Variants in DMKN observed in about 807,000 individuals in gnomAD.
The protein encoded by DMKN is epidermis-specific secreted protein SK30/SK89.
Under a neutral mutation model 67.6 loss-of-function variants are expected in DMKN, and 58 were observed. That is an observed-to-expected ratio of 0.86 (90% CI 0.69 to 1.07). The LOEUF is 1.07. DMKN is among the 50% of genes least tolerant of loss of function. The probability of loss-of-function intolerance (pLI) is 0.00; values close to 1 mark genes in which losing one functional copy is unlikely to be tolerated. For synonymous variants in DMKN, 240 were observed against 232.3 expected (o/e 1.03, Z -0.30); for missense variants, 596 against 601.5 (o/e 0.99, Z 0.10).
chr19:35,501,798 C>T (rs1267239912), intron 11 of DMKN: 3 of 1,546,690 alleles, frequency 1.9e-6, no homozygotes, highest in South Asian at 1.2e-5. Flanking sequence ...GATCTCCCCG[C>T]ACCTGTGCAC....
At chr19:35,504,578 A>AT (rs2069067988) in intron 9 of DMKN, among the ~76,000 whole-genome samples, 1 of 98,036 alleles carries the variant, frequency 1.0e-5, no homozygotes, top group African/African-American at 5.4e-5. Flanking sequence ...ACTCCGTCTC[A>AT]CCAAAAAAAA....
chr19:35,501,816 T>C (rs1292908377), intron 11 of DMKN: 116 of 1,564,672 alleles, frequency 7.4e-5, no homozygotes, highest in Non-Finnish European at 9.9e-5. Context: ...CACCCTGCGG[T>C]ACCCACCCAG....
chr19:35,510,229 G>A lies in DMKN; in HGVS notation c.942C>T (p.Ser314=), dbSNP rs1211169431. The change falls in exon 6 of 16, where the codon TCC becomes TCT. Residue 314 remains serine, a synonymous_variant. Transcript: ENST00000339686. ...SSWGSSTGSS[S]GNHGGSGGGN... is the part of the protein sequence containing the mutation. ...CTCCGCCGCTCCCACCGTGGTTGCC[G>A]GAGGAGGAGCCGGTGCTGGATCCCT... 10 of 1,607,644 alleles carry A rather than the reference G, an allele frequency of 6.2e-6. No homozygotes were observed. Among genetic ancestry groups the A allele is most frequent in the Non-Finnish European group, 5.9e-6 (7 of 1,177,256 alleles).
chr19:35,502,042 G>A, intron 11 of DMKN, 94 bp downstream of exon 11: 1 of 1,601,636 alleles, frequency 6.2e-7, no homozygotes, highest in Non-Finnish European at 8.5e-7. Context: ...AAGTGGGAAG[G>A]GAGGGGAAGA....
intron 3 of DMKN, 144 bp from the exon 4 acceptor site, chr19:35,511,957 C>A: frequency 1.2e-6 from 1 of 819,304 alleles, no homozygotes; most frequent in Non-Finnish European, 1.9e-6. Flanking sequence ...CCCTTCCCAT[C>A]TGCCTCCTCC....
intron 15 of DMKN, 97 bp from the exon 16 acceptor site, chr19:35,497,635 T>C (rs1288621192): frequency 6.6e-6 from 1 of 152,372 alleles, no homozygotes; most frequent in Admixed American, 6.5e-5. Flanking sequence ...CACCATTCTT[T>C]TGCTGTCCTA....
In DMKN at chr19:35,507,452, G is replaced by A. The variant is rs187397110; in HGVS notation, c.1039-1466C>T. On this transcript the variant is annotated intron_variant, in intron 7 of 15. Coordinates refer to ENST00000339686, the MANE Select transcript of DMKN (RefSeq NM_033317.5). ...TAAAGCCAACCCTGCCTGCCCCTAG[G>A]CTCACCCTATAATTGTCTCCAGAGC... is the stretch of plus-strand genomic sequence containing the variant. The A allele has an allele frequency of 5.8e-5, 90 of 1,551,050 alleles. No homozygotes were observed. In the Admixed American group the frequency reaches 1.4e-3, roughly 24 times the overall value.
In DMKN at chr19:35,505,746, C is replaced by A; in HGVS notation, c.1106G>T (p.Gly369Val). 1 of 1,614,120 alleles carries A rather than the reference C, an allele frequency of 6.2e-7. No homozygotes were observed. Among genetic ancestry groups the A allele is most frequent in the South Asian group, 1.1e-5 (1 of 91,078 alleles). Reference sequence around the variant, plus strand: ...GTTTATGGCATCCCAGTTGATGAAACCCAGCTTGGATTTAAAATTCTATGG... The same window carrying A: ...GTTTATGGCATCCCAGTTGATGAAAACCAGCTTGGATTTAAAATTCTATGG... ...TFWKNFKSKL[G>V]FINWDAINKN... is the part of the protein sequence containing the mutation. Residue 369 changes from glycine (G) to valine (V), a missense_variant, in exon 9 of 16, where the codon GGT becomes GTT. Coordinates refer to ENST00000339686, the MANE Select transcript of DMKN (RefSeq NM_033317.5).
At chr19:35,498,952 C>T (rs887616566) in intron 13 of DMKN, 55 bp from the exon 14 acceptor site, 1 of 1,613,682 alleles carries the variant, frequency 6.2e-7, no homozygotes, top group Admixed American at 1.7e-5. Flanking sequence ...TGTACTCTGC[C>T]ATGGCCTCCA....
chr19:35,511,151 C>G (rs940445661), intron 5 of DMKN, among the ~76,000 whole-genome samples: 22 of 152,270 alleles, frequency 1.4e-4, no homozygotes, highest in Non-Finnish European at 2.6e-4. Flanking sequence ...GGCGGGATAA[C>G]GTCCCCACCA....
chr19:35,505,704 T>C lies in DMKN; in HGVS notation c.1134+14A>G, dbSNP rs1224769113. On this transcript the variant is annotated intron_variant, in intron 9 of 15. Coordinates refer to ENST00000339686, the MANE Select transcript of DMKN (RefSeq NM_033317.5). ...TCCCTATAGCCCTCTCCGACGAAGATGTCCAGCCCTTACCTTGTTTATGGC... is the reference window on the plus strand; with the variant it reads ...TCCCTATAGCCCTCTCCGACGAAGACGTCCAGCCCTTACCTTGTTTATGGC... 1.2e-6 allele frequency: 2 copies of C among 1,614,192 alleles called. No homozygotes were observed. The highest frequency in any genetic ancestry group is 2.2e-5 in the South Asian group (2 of 91,076).
intron 7 of DMKN, chr19:35,507,327 T>C (rs2069760801): frequency 3.5e-6 from 3 of 852,052 alleles, no homozygotes; most frequent in Non-Finnish European, 5.5e-6. Context: ...TTTTGGTCTC[T>C]TGATGGTCAC....
chr19:35,503,474 G>GTTTTTT (rs149163465), intron 9 of DMKN: 24 of 1,453,088 alleles, frequency 1.7e-5, no homozygotes, highest in South Asian at 5.3e-5. Flanking sequence ...GTTTTTTTTT[G>GTTTTTT]TTTTTTTTTT....
intron 7 of DMKN, chr19:35,506,382 A>T (rs1158058999): frequency 3.1e-6 from 2 of 635,010 alleles, no homozygotes; most frequent in Non-Finnish European, 5.6e-6. Context: ...GATTGCTCCC[A>T]TGGAACCCCA....
At chr19:35,507,234 A>C in intron 7 of DMKN, 1 of 472,268 alleles carries the variant, frequency 2.1e-6, no homozygotes, top group Non-Finnish European at 3.8e-6. Context: ...CTCCCCTTAC[A>C]AAAGTAACAT....
Position 35,502,293 on chromosome 19 carries a change from T to C in DMKN, c.1192-110A>G, listed in dbSNP as rs2068540226. On this transcript the variant is annotated intron_variant, in intron 10 of 15. Coordinates refer to ENST00000339686, the MANE Select transcript of DMKN (RefSeq NM_033317.5). ...TCGGGTAGGAAGGAGCTTTTGGGTG[T>C]GGCTTGGGGTTGGAGGAAGGTAAGC... 5 of 1,068,944 alleles carry C rather than the reference T, an allele frequency of 4.7e-6. No homozygotes were observed. In the East Asian group the frequency reaches 1.2e-4, roughly 26 times the overall value. 66.2% of individuals were successfully genotyped at this position (1,068,944 alleles called of 1,614,324 possible).
At chr19:35,503,386 G>C (rs1026099082) in intron 9 of DMKN, 5 of 1,551,484 alleles carry the variant, frequency 3.2e-6, no homozygotes, top group Non-Finnish European at 4.4e-6. Flanking sequence ...GAGTGTGGGG[G>C]CTCCCATCCA....
In DMKN at chr19:35,511,586, C is replaced by A. The variant is rs57760262; in HGVS notation, c.743G>T (p.Ser248Ile). Reference sequence around the variant, plus strand: ...GCCACTGCTGCCCGACTGTGAGCCGCTGCCTCCCTGAGGGGCAGGAAGGGA... The same window carrying A: ...GCCACTGCTGCCCGACTGTGAGCCGATGCCTCCCTGAGGGGCAGGAAGGGA... The part of the protein sequence containing the change: ...GGGSSNSGGG[S>I]GSQSGSSGSG... The change falls in exon 5 of 16, where the codon AGC becomes ATC. Residue 248 changes from serine (S) to isoleucine (I), a missense_variant. Coordinates refer to ENST00000339686, the MANE Select transcript of DMKN (RefSeq NM_033317.5). 5.4e-3 allele frequency: 8,689 copies of A among 1,611,648 alleles called. 329 individuals carry two copies. The African/African-American group carries it at 0.094, about 17-fold the overall frequency.
chr19:35,507,749 AG>A, intron 7 of DMKN: 2 of 527,364 alleles, frequency 3.8e-6, no homozygotes, highest in Non-Finnish European at 6.8e-6. Context: ...CGATGTCCAT[AG>A]ATAACATCGC....
Sources: gnomAD v4.1 joint callset for allele counts (sites outside exome capture counted in the v4.1 genomes callset) on GRCh38, gnomAD v4.1.1 for gene constraint, MANE v1.5 for transcripts, NCBI Gene and HGNC (gene_info 2026-07-23, HGNC 2026-07-21) for gene names.